The following TAFA1 variants were observed in gnomAD, a reference collection of about 807,000 sequenced individuals.
TAFA1 encodes TAFA chemokine like family member 1, also known as chemokine-like protein TAFA-1.
Under a neutral mutation model 18.5 loss-of-function variants are expected in TAFA1, and 4 were observed. That is an observed-to-expected ratio of 0.22 (90% CI 0.11 to 0.49). The LOEUF is 0.49. TAFA1 is among the 20% of genes least tolerant of loss of function. The pLI, the probability that TAFA1 is intolerant of heterozygous loss-of-function variation, is 0.98. For missense variants in TAFA1, 147 were observed against 169.0 expected, an observed-to-expected ratio of 0.87 and a Z score of 0.72; for synonymous variants, 56 against 55.2, an observed-to-expected ratio of 1.01 and a Z score of -0.06.
At chr3:68,393,377 G>GA (rs2070303311) in intron 2 of TAFA1, among the ~76,000 whole-genome samples, 1 of 140,454 alleles carries the variant, frequency 7.1e-6, no homozygotes, top group Admixed American at 7.0e-5. Flanking sequence ...GCCTACCAAT[G>GA]GAAAAAAAAA....
chr3:68,505,666 G>A (rs2072736061), intron 3 of TAFA1, among the ~76,000 whole-genome samples: 1 of 151,872 alleles, frequency 6.6e-6, no homozygotes, highest in Non-Finnish European at 1.5e-5. Context: ...TATGACTGGG[G>A]ACCCAGCTTG....
Position 68,475,406 on chromosome 3 carries a change from C to A in TAFA1, c.259+57986C>A, listed in dbSNP as rs4082810. 7.3e-5 allele frequency among the ~76,000 whole-genome samples: 11 copies of A among 150,662 alleles called. No individual in the cohort carries two copies. In the East Asian group the frequency reaches 1.2e-3, roughly 16 times the overall value. ...TTCCCACCTATGAGTGAGAACATGT[C>A]GTGTTTGGTTTTTTGTCCTTGTGAT... On this transcript the variant is annotated intron_variant, in intron 3 of 4. Coordinates refer to ENST00000478136, the MANE Select transcript of TAFA1 (RefSeq NM_213609.4).
At chr3:68,405,950 C>T (rs1559655205) in intron 2 of TAFA1, among the ~76,000 whole-genome samples, 1 of 151,876 alleles carries the variant, frequency 6.6e-6, no homozygotes. Context: ...AGGAGAATGG[C>T]AGCCCTTATT....
chr3:68,132,360 A>G (rs1432115537), intron 2 of TAFA1, among the ~76,000 whole-genome samples: 2 of 152,226 alleles, frequency 1.3e-5, no homozygotes, highest in African/African-American at 4.8e-5. Flanking sequence ...GTGTCTTTAT[A>G]GTAGAATGAT....
intron 4 of TAFA1, among the ~76,000 whole-genome samples, chr3:68,540,454 C>T (rs1171697342): frequency 6.6e-6 from 1 of 152,128 alleles, no homozygotes; most frequent in Non-Finnish European, 1.5e-5. Context: ...ATCAGGTTTC[C>T]CTTTGGTTAC....
chr3:68,453,356 T>C (rs73092812), intron 3 of TAFA1, among the ~76,000 whole-genome samples: 35,144 of 152,130 alleles, frequency 0.23, 4,470 homozygotes, highest in East Asian at 0.43. Context: ...GTGCATGTTG[T>C]AAATGCAATT....
At chr3:68,282,512 G>A (rs2067917722) in intron 2 of TAFA1, among the ~76,000 whole-genome samples, 1 of 152,062 alleles carries the variant, frequency 6.6e-6, no homozygotes, top group African/African-American at 2.4e-5. Context: ...GGTTCCCCAG[G>A]CAATGTCATT....
At chr3:68,203,900 G>A (rs2066495769) in intron 2 of TAFA1, among the ~76,000 whole-genome samples, 2 of 151,544 alleles carry the variant, frequency 1.3e-5, no homozygotes, top group South Asian at 2.1e-4. Flanking sequence ...AATATTCACT[G>A]TGAGAACCTG....
chr3:68,162,309 A>T (rs1424092848), intron 2 of TAFA1, among the ~76,000 whole-genome samples: 2 of 152,208 alleles, frequency 1.3e-5, no homozygotes. Context: ...TTTCAGGATG[A>T]AACTGTTCCA....
chr3:68,438,949 C>T (rs1052661975), intron 3 of TAFA1, among the ~76,000 whole-genome samples: 2 of 152,106 alleles, frequency 1.3e-5, no homozygotes, highest in African/African-American at 4.8e-5. Flanking sequence ...AGTGTCAGGC[C>T]TGTCCCCTGA....
chr3:68,084,926 A>G (rs1159856558), intron 2 of TAFA1, among the ~76,000 whole-genome samples: 3 of 152,114 alleles, frequency 2.0e-5, no homozygotes, highest in African/African-American at 7.2e-5. Flanking sequence ...GCACTTTGAA[A>G]TATCTGTCCT....
rs1175174572 is a variant in TAFA1 at position 68,231,344 on chromosome 3, ATTTTTT to A, written c.119-185914_119-185909del. Among the ~76,000 whole-genome samples, 92 of 79,860 alleles carry A rather than the reference ATTTTTT, an allele frequency of 1.2e-3. 1 individual carries two copies. In the East Asian group the frequency reaches 0.012, roughly 10 times the overall value. The allele number at this position is 79,860 out of a possible 152,430, so 52.4% of individuals were successfully genotyped here. A position where few individuals can be genotyped will look rare whatever the true frequency, so the allele number is the denominator to read the frequency against. Reference sequence around the variant, plus strand: ...ATCTACCCATGCTTTAATCTATTTGATTTTTTTTTTTTTTTTTTTTTTTTTTTGAGA... The same window carrying A: ...ATCTACCCATGCTTTAATCTATTTGATTTTTTTTTTTTTTTTTTTTTGAGA... On this transcript the variant is annotated intron_variant, in intron 2 of 4. Transcript: ENST00000478136.
intron 2 of TAFA1, among the ~76,000 whole-genome samples, chr3:68,072,145 A>G (rs984388983): frequency 3.3e-5 from 5 of 152,096 alleles, no homozygotes; most frequent in Admixed American, 6.6e-5. Context: ...CTCTCTTTAT[A>G]TTTTTGTGGT....
At chr3:68,437,689 C>T (rs2071288156) in intron 3 of TAFA1, among the ~76,000 whole-genome samples, 2 of 152,028 alleles carry the variant, frequency 1.3e-5, no homozygotes, top group Admixed American at 1.3e-4. Flanking sequence ...AGGGCAGAGT[C>T]CTTATGACCC....
At chr3:68,050,051 C>T (rs1488837696) in intron 2 of TAFA1, among the ~76,000 whole-genome samples, 1 of 152,082 alleles carries the variant, frequency 6.6e-6, no homozygotes, top group Non-Finnish European at 1.5e-5. Flanking sequence ...GTTACATAAC[C>T]TCTCTGGGCC....
At chr3:68,254,538 C>G (rs1221463192) in intron 2 of TAFA1, among the ~76,000 whole-genome samples, 1 of 151,764 alleles carries the variant, frequency 6.6e-6, no homozygotes, top group Non-Finnish European at 1.5e-5. Flanking sequence ...GGGGAGGGGA[C>G]TATAATTACT....
intron 2 of TAFA1, among the ~76,000 whole-genome samples, chr3:68,373,849 C>A (rs1661739563): frequency 6.6e-6 from 1 of 152,184 alleles, no homozygotes; most frequent in African/African-American, 2.4e-5. Flanking sequence ...CTCTGCCTAG[C>A]AAACATTCAT....
intron 2 of TAFA1, among the ~76,000 whole-genome samples, chr3:68,359,744 T>G (rs938551586): frequency 2.0e-5 from 3 of 151,938 alleles, no homozygotes; most frequent in African/African-American, 7.2e-5. Context: ...TGTGGTAAGT[T>G]GTTAAAACAG....
intron 2 of TAFA1, among the ~76,000 whole-genome samples, chr3:68,294,734 G>T (rs750702864): frequency 6.6e-6 from 1 of 151,862 alleles, no homozygotes; most frequent in East Asian, 1.9e-4. Context: ...AAAATTAGCT[G>T]GGCATGGTGG....
Sources: gnomAD v4.1 joint callset for allele counts (sites outside exome capture counted in the v4.1 genomes callset) on GRCh38, gnomAD v4.1.1 for gene constraint, MANE v1.5 for transcripts, NCBI Gene and HGNC (gene_info 2026-07-23, HGNC 2026-07-21) for gene names.